Variants in WWTR1 observed in about 807,000 individuals in gnomAD.
WWTR1 encodes the protein WW domain containing transcription regulator 1.
WWTR1 carries 13 observed loss-of-function variants against 40.1 expected under a neutral mutation model. That is an observed-to-expected ratio of 0.32 (90% CI 0.21 to 0.52). The LOEUF is 0.52. Among genes scored for constraint, WWTR1 ranks in the 20% least tolerant of loss-of-function variants. WWTR1 has a pLI of 0.97. For synonymous variants in WWTR1, 230 were observed against 210.1 expected (o/e 1.09, Z -0.82); for missense variants, 436 against 523.1 (o/e 0.83, Z 1.63).
chr3:149,602,985 GATAA>G (rs10573108), intron 2 of WWTR1, among the ~76,000 whole-genome samples: 2,130 of 151,610 alleles, frequency 0.014, 54 homozygotes, highest in African/African-American at 0.047. Flanking sequence ...TAAAGCCAAA[GATAA>G]ATAAATAAAT....
chr3:149,549,649 G>C (rs555656145), intron 3 of WWTR1, among the ~76,000 whole-genome samples: 77 of 152,156 alleles, frequency 5.1e-4, no homozygotes, highest in African/African-American at 1.8e-3. Context: ...ACCAACCTAG[G>C]CAACATAGTG....
chr3:149,718,734 T>C (rs1715673428), intron 4 of WWTR1, among the ~76,000 whole-genome samples: 1 of 152,222 alleles, frequency 6.6e-6, no homozygotes, highest in Non-Finnish European at 1.5e-5. Flanking sequence ...ATATAGTATT[T>C]GTTGTTTTGT....
At chr3:149,620,643 G>A (rs1740227672) in intron 2 of WWTR1, among the ~76,000 whole-genome samples, 1 of 150,160 alleles carries the variant, frequency 6.7e-6, no homozygotes, top group Non-Finnish European at 1.5e-5. Context: ...TACTCCACAT[G>A]ACAGAGGATG....
chr3:149,698,352 C>T (rs1019122807), intron 1 of WWTR1, among the ~76,000 whole-genome samples: 7 of 152,260 alleles, frequency 4.6e-5, no homozygotes, highest in Admixed American at 6.5e-5. Flanking sequence ...TCACTTCTCT[C>T]ACCTGCCACC....
intron 2 of WWTR1, among the ~76,000 whole-genome samples, chr3:149,598,027 C>A (rs1739081133): frequency 6.6e-6 from 1 of 151,948 alleles, no homozygotes; most frequent in African/African-American, 2.4e-5. Flanking sequence ...CAAGTGCATG[C>A]CTGCAGGTGA....
At chr3:149,614,725 G>A (rs111277232) in intron 2 of WWTR1, among the ~76,000 whole-genome samples, 1 of 152,324 alleles carries the variant, frequency 6.6e-6, no homozygotes, top group Non-Finnish European at 1.5e-5. Context: ...GCTCACGCCT[G>A]TAATCCCAGT....
intron 2 of WWTR1, chr3:149,576,062 G>C (rs530712163): frequency 4.2e-5 from 19 of 456,600 alleles, no homozygotes; most frequent in Non-Finnish European, 1.8e-5. Flanking sequence ...GAGTACAAGA[G>C]GGAGCCTTTC....
chr3:149,695,979 G>C (rs908085923), intron 1 of WWTR1, among the ~76,000 whole-genome samples: 49 of 150,072 alleles, frequency 3.3e-4, no homozygotes, highest in Non-Finnish European at 3.1e-4. Context: ...CGGGTGTGGT[G>C]GTGGGCGCCT....
chr3:149,629,674 C>T (rs1711502784), intron 2 of WWTR1, among the ~76,000 whole-genome samples: 1 of 152,122 alleles, frequency 6.6e-6, no homozygotes, highest in African/African-American at 2.4e-5. Context: ...ACAACTGGCA[C>T]TAAATGAGTA....
intron 1 of WWTR1, among the ~76,000 whole-genome samples, chr3:149,684,797 C>T (rs1266320904): frequency 4.6e-5 from 7 of 152,074 alleles, no homozygotes; most frequent in Admixed American, 1.3e-4. Flanking sequence ...CTCCTGGGCT[C>T]GAGCAATCCT....
intron 2 of WWTR1, among the ~76,000 whole-genome samples, chr3:149,664,309 TATTGA>T (rs746864509): frequency 6.6e-5 from 10 of 152,230 alleles, no homozygotes; most frequent in Admixed American, 2.0e-4. Context: ...TCCAGAAAAC[TATTGA>T]ATAAGGTTCA....
chr3:149,616,869 T>C (rs1740000364), intron 2 of WWTR1, among the ~76,000 whole-genome samples: 1 of 152,128 alleles, frequency 6.6e-6, no homozygotes, highest in Admixed American at 6.5e-5. Flanking sequence ...CATTACTACA[T>C]CCCGCAGTCC....
At chr3:149,555,918 A>G (rs1030453875) in intron 3 of WWTR1, among the ~76,000 whole-genome samples, 2 of 152,244 alleles carry the variant, frequency 1.3e-5, no homozygotes, top group African/African-American at 4.8e-5. Context: ...TATTTTAGGC[A>G]GGGAAGTTAA....
At chr3:149,630,160 T>G (rs1711510647) in intron 2 of WWTR1, among the ~76,000 whole-genome samples, 1 of 152,178 alleles carries the variant, frequency 6.6e-6, no homozygotes, top group African/African-American at 2.4e-5. Context: ...TCAAGGATAT[T>G]AGAATAATAA....
chr3:149,568,220 T>C lies in WWTR1; in HGVS notation c.568+4644A>G, dbSNP rs560267197. 1.1e-4 allele frequency among the ~76,000 whole-genome samples: 17 copies of C among 150,646 alleles called. No homozygotes were observed. In the East Asian group the frequency reaches 3.3e-3, roughly 29 times the overall value. On this transcript the variant is annotated intron_variant, in intron 3 of 6. Transcript: ENST00000360632. ...GGCCAACATGGTGAAACCCCATCTC[T>C]ACTAAAAATACAAAAATTAGCTGGG...
chr3:149,581,241 T>TA (rs1368846583), intron 2 of WWTR1, among the ~76,000 whole-genome samples: 1 of 152,146 alleles, frequency 6.6e-6, no homozygotes, highest in Admixed American at 6.5e-5. Flanking sequence ...CTGCTATTTT[T>TA]AATGCATCAG....
intron 2 of WWTR1, among the ~76,000 whole-genome samples, chr3:149,621,530 C>T (rs1197845007): frequency 1.3e-5 from 2 of 152,104 alleles, no homozygotes; most frequent in Admixed American, 1.3e-4. Context: ...TTTTCCAGAG[C>T]TCTTGATGTG....
At chr3:149,706,117 G>T (rs1017861360), upstream of WWTR1, among the ~76,000 whole-genome samples, 3 of 152,126 alleles carry the variant, frequency 2.0e-5, no homozygotes, top group Non-Finnish European at 4.4e-5. Flanking sequence ...GATTGCTTGT[G>T]CCTGGGAGGT....
chr3:149,546,428 C>T (rs544232552), intron 3 of WWTR1, among the ~76,000 whole-genome samples: 107 of 152,272 alleles, frequency 7.0e-4, no homozygotes, highest in African/African-American at 2.5e-3. Flanking sequence ...TCTTAGAGAT[C>T]GTCCAGAAGG....
Sources: allele counts gnomAD v4.1 joint callset (sites outside exome capture counted in the v4.1 genomes callset), GRCh38; gene constraint gnomAD v4.1.1; transcripts MANE v1.5; gene names NCBI Gene and HGNC (gene_info 2026-07-23, HGNC 2026-07-21).